Variants in EYA2 observed in about 807,000 individuals in gnomAD.
EYA2 encodes the protein protein phosphatase EYA2.
In EYA2, 31 loss-of-function variants were observed where a neutral mutation model predicts 69.2. The observed-to-expected ratio is 0.45, with a 90% CI of 0.34 to 0.60. EYA2 has a LOEUF of 0.60. EYA2 is among the 20% of genes least tolerant of loss of function. The pLI is 0.02. For synonymous variants in EYA2, 257 were observed against 279.4 expected, an observed-to-expected ratio of 0.92 and a Z score of 0.80; for missense variants, 622 against 701.2, an observed-to-expected ratio of 0.89 and a Z score of 1.28.
chr20:47,143,264 C>CT (rs1030408606), intron 10 of EYA2, 116 bp downstream of exon 10: 1 of 955,506 alleles, frequency 1.0e-6, no homozygotes, highest in Non-Finnish European at 1.5e-6. Context: ...TCTCCTTTTT[C>CT]TTTTAGAAGC....
intron 1 of EYA2, chr20:46,978,514 G>A: frequency 1.9e-6 from 1 of 528,774 alleles, no homozygotes; most frequent in South Asian, 1.4e-5. Flanking sequence ...TGGAGCGAGA[G>A]AAAGGCCAGC....
intron 10 of EYA2, among the ~76,000 whole-genome samples, chr20:47,167,280 C>CTTGT (rs2034219846): frequency 9.0e-6 from 1 of 111,728 alleles, no homozygotes; most frequent in Non-Finnish European, 1.7e-5. Flanking sequence ...GGTTTTTTTA[C>CTTGT]TTTTTTTTTT....
At chr20:46,911,828 A>G (rs1340755281) in intron 1 of EYA2, among the ~76,000 whole-genome samples, 1 of 152,186 alleles carries the variant, frequency 6.6e-6, no homozygotes, top group East Asian at 1.9e-4. Flanking sequence ...GCTAATGGGT[A>G]GAAACATACA....
At chr20:47,020,958 T>C (rs1215812571) in intron 5 of EYA2, among the ~76,000 whole-genome samples, 2 of 152,210 alleles carry the variant, frequency 1.3e-5, no homozygotes, top group Admixed American at 6.5e-5. Context: ...CAAATACGGC[T>C]GCAAACCAGC....
intron 1 of EYA2, among the ~76,000 whole-genome samples, chr20:46,964,978 A>G (rs774802048): frequency 6.6e-6 from 1 of 152,202 alleles, no homozygotes; most frequent in Non-Finnish European, 1.5e-5. Context: ...GACGTGCTAG[A>G]TAAATGAGAG....
intron 4 of EYA2, among the ~76,000 whole-genome samples, chr20:47,006,644 C>T (rs972525412): frequency 2.0e-5 from 3 of 152,188 alleles, no homozygotes; most frequent in Non-Finnish European, 4.4e-5. Flanking sequence ...TTTATTCATT[C>T]ATTCAACATT....
intron 5 of EYA2, among the ~76,000 whole-genome samples, chr20:47,020,973 T>C (rs1983712710): frequency 6.6e-6 from 1 of 152,228 alleles, no homozygotes. Flanking sequence ...ACCAGCCCTG[T>C]GACCTTGAGC....
intron 10 of EYA2, among the ~76,000 whole-genome samples, chr20:47,168,200 T>TG (rs1484725562): frequency 3.5e-4 from 33 of 93,816 alleles, no homozygotes; most frequent in African/African-American, 1.6e-3. Flanking sequence ...TTTGTTTTTT[T>TG]GTTTTTTTTG....
chr20:46,924,486 C>T (rs796334998), intron 1 of EYA2, among the ~76,000 whole-genome samples: 5 of 152,144 alleles, frequency 3.3e-5, no homozygotes, highest in Non-Finnish European at 5.9e-5. Flanking sequence ...CTGGCTAACA[C>T]GGTGAAAACC....
chr20:46,909,744 G>T (rs1344647809), intron 1 of EYA2, among the ~76,000 whole-genome samples: 1 of 152,054 alleles, frequency 6.6e-6, no homozygotes, highest in African/African-American at 2.4e-5. Context: ...AAGTGAAATC[G>T]GCAGCATTTT....
At chr20:46,930,865 C>T (rs1035830272) in intron 1 of EYA2, among the ~76,000 whole-genome samples, 1 of 152,200 alleles carries the variant, frequency 6.6e-6, no homozygotes, top group African/African-American at 2.4e-5. Flanking sequence ...CTAGTCTTCG[C>T]CATGACTCTG....
chr20:46,910,807 C>A (rs774480248), intron 1 of EYA2, among the ~76,000 whole-genome samples: 49 of 152,172 alleles, frequency 3.2e-4, no homozygotes, highest in Admixed American at 7.9e-4. Context: ...TAGAATGGAG[C>A]CAACTTTGAA....
chr20:46,903,232 A>G (rs1285538440), intron 1 of EYA2, among the ~76,000 whole-genome samples: 1 of 152,230 alleles, frequency 6.6e-6, no homozygotes, highest in Non-Finnish European at 1.5e-5. Flanking sequence ...CTGAGGGTGC[A>G]GAGGGTGTTG....
intron 1 of EYA2, among the ~76,000 whole-genome samples, chr20:46,911,734 A>G (rs1984652485): frequency 6.6e-6 from 1 of 152,262 alleles, no homozygotes; most frequent in Admixed American, 6.5e-5. Context: ...GTGTGTGGGA[A>G]CTGGAAAACT....
At chr20:47,184,698 G>A (rs150511557) in intron 15 of EYA2, among the ~76,000 whole-genome samples, 2 of 152,056 alleles carry the variant, frequency 1.3e-5, no homozygotes, top group African/African-American at 4.8e-5. Context: ...GCTGGGATTA[G>A]AGGCATGTGC....
chr20:47,061,864 G>A (rs1439691560), intron 5 of EYA2, among the ~76,000 whole-genome samples: 4 of 152,126 alleles, frequency 2.6e-5, no homozygotes, highest in Non-Finnish European at 5.9e-5. Flanking sequence ...TTAGACATTT[G>A]GAAACGGATT....
chr20:47,172,403 C>G (rs1044281776), intron 11 of EYA2, among the ~76,000 whole-genome samples: 1 of 152,116 alleles, frequency 6.6e-6, no homozygotes, highest in Non-Finnish European at 1.5e-5. Flanking sequence ...GTGATGACAC[C>G]ACTGCACTCC....
intron 10 of EYA2, among the ~76,000 whole-genome samples, chr20:47,157,647 T>C (rs1427616082): frequency 6.6e-6 from 1 of 151,974 alleles, no homozygotes; most frequent in Non-Finnish European, 1.5e-5. Context: ...GTTTTACCAA[T>C]GAATTTGAAA....
chr20:47,016,705 G>T (rs527451198), intron 5 of EYA2, among the ~76,000 whole-genome samples: 1 of 152,342 alleles, frequency 6.6e-6, no homozygotes, highest in East Asian at 1.9e-4. Context: ...TCTTAGGGAA[G>T]AGCATTCCAG....
Sources: gnomAD v4.1 joint callset for allele counts (sites outside exome capture counted in the v4.1 genomes callset) on GRCh38, gnomAD v4.1.1 for gene constraint, MANE v1.5 for transcripts, NCBI Gene and HGNC (gene_info 2026-07-23, HGNC 2026-07-21) for gene names.